Variants in STPG2 observed in about 807,000 individuals in gnomAD.
STPG2 encodes the protein sperm tail PG-rich repeat containing 2, also known as sperm-tail PG-rich repeat-containing protein 2.
In STPG2, 56 loss-of-function variants were observed where a neutral mutation model predicts 54.2. That is an observed-to-expected ratio of 1.03 (90% confidence interval 0.83 to 1.29). The LOEUF (loss-of-function observed/expected upper bound fraction) is 1.29, where lower values mean the gene tolerates loss of function less well. STPG2 is among the 50% of genes most tolerant of loss of function. The pLI is 0.00. For synonymous variants in STPG2, 200 were observed against 181.8 expected, an observed-to-expected ratio of 1.10 and a Z score of -0.81; for missense variants, 596 against 544.9, an observed-to-expected ratio of 1.09 and a Z score of -0.93.
chr4:97,835,949 A>C (rs780122430), intron 9 of STPG2, among the ~76,000 whole-genome samples: 13 of 152,102 alleles, frequency 8.5e-5, no homozygotes, highest in Non-Finnish European at 1.6e-4. Context: ...TTTCATGATT[A>C]AACTTGAAAG....
rs1732072528 is a variant in STPG2 at position 97,920,805 on chromosome 4, T to G, written c.1044+23092A>C. 2.0e-5 allele frequency among the ~76,000 whole-genome samples: 3 copies of G among 152,200 alleles called. No individual in the cohort carries two copies. In the South Asian group the frequency reaches 6.2e-4, roughly 31 times the overall value. On this transcript the variant is annotated intron_variant, in intron 8 of 10. Transcript: ENST00000295268. ...GACTGTGGCAACTATGCATATTAAC[T>G]TTTTTACCTAGTGTGTGTGTTAACT... is the stretch of plus-strand genomic sequence containing the variant.
intron 5 of STPG2, among the ~76,000 whole-genome samples, chr4:98,093,420 ATAT>A (rs1391305376): frequency 6.6e-6 from 1 of 152,206 alleles, no homozygotes; most frequent in Admixed American, 6.5e-5. Flanking sequence ...TATTATATTC[ATAT>A]TATTACACAT....
chr4:97,621,506 C>G (rs546562206), intron 10 of STPG2, among the ~76,000 whole-genome samples: 1 of 151,980 alleles, frequency 6.6e-6, no homozygotes, highest in Non-Finnish European at 1.5e-5. Context: ...AATACTTCTA[C>G]GTACACAAAT....
At chr4:97,848,887 G>C (rs1224654666) in intron 8 of STPG2, among the ~76,000 whole-genome samples, 1 of 150,508 alleles carries the variant, frequency 6.6e-6, no homozygotes, top group Non-Finnish European at 1.5e-5. Flanking sequence ...GTACCATGCT[G>C]TTTTGGTTAC....
At chr4:97,685,765 T>C (rs1723169207) in intron 10 of STPG2, among the ~76,000 whole-genome samples, 1 of 152,160 alleles carries the variant, frequency 6.6e-6, no homozygotes, top group African/African-American at 2.4e-5. Context: ...CTGCAAGAAT[T>C]TAATAACAGC....
intron 4 of STPG2, among the ~76,000 whole-genome samples, chr4:97,484,027 C>A (rs1037972554): frequency 6.6e-6 from 1 of 151,480 alleles, no homozygotes; most frequent in Non-Finnish European, 1.5e-5. Context: ...TCAAACTGAA[C>A]GACAATAATG....
intron 3 of STPG2, among the ~76,000 whole-genome samples, chr4:98,120,822 T>C (rs1184643230): frequency 6.6e-6 from 1 of 152,196 alleles, no homozygotes; most frequent in Admixed American, 6.5e-5. Flanking sequence ...GTCAAATGGA[T>C]AGATTGCAAA....
At chr4:97,772,358 G>T (rs1379416300) in intron 9 of STPG2, among the ~76,000 whole-genome samples, 1 of 152,100 alleles carries the variant, frequency 6.6e-6, no homozygotes, top group Non-Finnish European at 1.5e-5. Flanking sequence ...AGAAATGATT[G>T]TACAATTTGT....
intron 5 of STPG2, among the ~76,000 whole-genome samples, chr4:98,020,644 G>A (rs1355798091): frequency 6.6e-6 from 1 of 152,066 alleles, no homozygotes; most frequent in Non-Finnish European, 1.5e-5. Context: ...AATCCATCTG[G>A]TCCTGGACTC....
intron 10 of STPG2, among the ~76,000 whole-genome samples, chr4:97,691,181 G>A (rs1440228574): frequency 6.6e-6 from 1 of 152,096 alleles, no homozygotes; most frequent in Non-Finnish European, 1.5e-5. Flanking sequence ...TGAAGGAGGT[G>A]GATTGCCACT....
At chr4:97,800,595 G>A (rs577255599) in intron 9 of STPG2, among the ~76,000 whole-genome samples, 1 of 152,172 alleles carries the variant, frequency 6.6e-6, no homozygotes, top group Admixed American at 6.5e-5. Flanking sequence ...TGCCCCTAAT[G>A]GGGGGTGCCT....
chr4:97,738,124 G>A lies in STPG2; in HGVS notation c.1205-25310C>T, dbSNP rs372811847. 1.7e-4 allele frequency among the ~76,000 whole-genome samples: 26 copies of A among 152,238 alleles called. No individual in the cohort carries two copies. In the South Asian group the frequency reaches 5.0e-3, roughly 29 times the overall value. The stretch of plus-strand genomic sequence containing the variant: ...TCCAGCCAAACTAAACTTCATAAGT[G>A]AAGGAGAAACAAAATACTTTACAGA... On this transcript the variant is annotated intron_variant, in intron 9 of 10. Coordinates refer to ENST00000295268, the MANE Select transcript of STPG2 (RefSeq NM_174952.3).
intron 8 of STPG2, among the ~76,000 whole-genome samples, chr4:97,910,349 T>C (rs1222636507): frequency 6.6e-6 from 1 of 152,192 alleles, no homozygotes; most frequent in Non-Finnish European, 1.5e-5. Context: ...AAGGAAATGT[T>C]CAAATCTGTG....
At chr4:97,957,136 T>C (rs1440529833) in intron 7 of STPG2, among the ~76,000 whole-genome samples, 9 of 151,812 alleles carry the variant, frequency 5.9e-5, no homozygotes, top group Admixed American at 1.3e-4. Flanking sequence ...GAAATATATA[T>C]GAAATATACA....
chr4:97,500,675 C>A (rs1326069293), intron 4 of STPG2, among the ~76,000 whole-genome samples: 4 of 151,972 alleles, frequency 2.6e-5, no homozygotes, highest in East Asian at 3.9e-4. Flanking sequence ...TCCTGGATGT[C>A]AAGAGCAGAT....
intron 9 of STPG2, among the ~76,000 whole-genome samples, chr4:97,745,441 A>G (rs950283831): frequency 1.3e-5 from 2 of 150,894 alleles, no homozygotes; most frequent in Non-Finnish European, 3.0e-5. Flanking sequence ...TTTCCTCTTC[A>G]TTTCCCCCTT....
chr4:97,700,354 A>C (rs914055272), intron 10 of STPG2, among the ~76,000 whole-genome samples: 2 of 152,254 alleles, frequency 1.3e-5, no homozygotes, highest in Non-Finnish European at 2.9e-5. Flanking sequence ...CAAATGGGCC[A>C]GAGCAATACA....
intron 8 of STPG2, among the ~76,000 whole-genome samples, chr4:97,883,039 C>A (rs1037499154): frequency 8.0e-5 from 12 of 150,856 alleles, no homozygotes; most frequent in Admixed American, 1.3e-4. Flanking sequence ...AGAAAGCAAG[C>A]CAGTCATGGT....
intron 5 of STPG2, among the ~76,000 whole-genome samples, chr4:98,056,608 C>T (rs1260255734): frequency 2.6e-5 from 4 of 151,904 alleles, no homozygotes; most frequent in African/African-American, 9.7e-5. Context: ...CCATCAAACC[C>T]TCCAGGTCAT....
Sources: gnomAD v4.1 joint callset for allele counts (sites outside exome capture counted in the v4.1 genomes callset) on GRCh38, gnomAD v4.1.1 for gene constraint, MANE v1.5 for transcripts, NCBI Gene and HGNC (gene_info 2026-07-23, HGNC 2026-07-21) for gene names.